Variants in GPR141 observed in about 807,000 individuals in gnomAD.
GPR141 encodes probable G protein-coupled receptor 141.
A neutral mutation model predicts 6.8 loss-of-function variants in GPR141; 6 were observed. That is an observed-to-expected ratio of 0.88 (90% CI 0.48 to 1.74). GPR141 has a LOEUF of 1.74. Among genes scored for constraint, GPR141 ranks in the 40% most tolerant of loss-of-function variants. The probability of loss-of-function intolerance (pLI) is 0.01; values close to 1 mark genes in which losing one functional copy is unlikely to be tolerated. For synonymous variants in GPR141, 140 were observed against 142.3 expected, an observed-to-expected ratio of 0.98 and a Z score of 0.11; for missense variants, 372 against 372.9, an observed-to-expected ratio of 1.00 and a Z score of 0.02.
intron 2 of GPR141, among the ~76,000 whole-genome samples, chr7:37,702,166 A>C (rs1810304686): frequency 6.6e-6 from 1 of 152,190 alleles, no homozygotes; most frequent in Non-Finnish European, 1.5e-5. Flanking sequence ...TAATTTTTAG[A>C]CATAAAGTCT....
chr7:37,721,405 G>C (rs556014758), intron 2 of GPR141, among the ~76,000 whole-genome samples: 69 of 152,324 alleles, frequency 4.5e-4, no homozygotes, highest in Non-Finnish European at 1.2e-4. Context: ...AGATGTGCCC[G>C]TTATTGGTGA....
chr7:37,708,320 A>AAAC (rs1554341165), intron 2 of GPR141, among the ~76,000 whole-genome samples: 8 of 151,014 alleles, frequency 5.3e-5, no homozygotes, highest in Non-Finnish European at 8.9e-5. Context: ...CAAAAAAAAA[A>AAAC]AAAAAAAAAA....
intron 1 of GPR141, among the ~76,000 whole-genome samples, chr7:37,684,445 A>AT (rs1809412595): frequency 6.6e-6 from 1 of 152,224 alleles, no homozygotes; most frequent in Non-Finnish European, 1.5e-5. Context: ...AATTCTTTCC[A>AT]TCCCACTTTT....
chr7:37,729,191 C>T (rs1244618130), intron 2 of GPR141, among the ~76,000 whole-genome samples: 3 of 152,052 alleles, frequency 2.0e-5, no homozygotes, highest in African/African-American at 7.2e-5. Context: ...TTTCTTTTCT[C>T]TAACAGTAAC....
At position 37,741,039 on chromosome 7, in the gene GPR141, C is replaced by G; in HGVS notation, c.646C>G (p.Leu216Val). The change falls in exon 3 of 3, where the codon CTA (leucine) becomes GTA (valine). Residue 216 changes from leucine to valine, a missense_variant. Transcript: ENST00000334425. ...GGTGCAGAAGCTACGCCACTCTTTACTATCCCACCAGGAGTTCTGGGCTCA... is the reference window on the plus strand; with the variant it reads ...GGTGCAGAAGCTACGCCACTCTTTAGTATCCCACCAGGAGTTCTGGGCTCA... ...LMVQKLRHSLLSHQEFWAQLK... is the reference protein window; with the variant it reads ...LMVQKLRHSLVSHQEFWAQLK... The G allele has an allele frequency of 6.2e-7, 1 of 1,614,158 alleles. No individual in the cohort carries two copies. Among genetic ancestry groups the G allele is most frequent in the Non-Finnish European group, 8.5e-7 (1 of 1,179,988 alleles).
intron 2 of GPR141, among the ~76,000 whole-genome samples, chr7:37,706,812 T>C (rs890561832): frequency 3.3e-5 from 5 of 152,198 alleles, no homozygotes; most frequent in Non-Finnish European, 5.9e-5. Context: ...GGACGCTTTT[T>C]CACATACATT....
intron 2 of GPR141, among the ~76,000 whole-genome samples, chr7:37,708,310 C>CAAAAAAAAAAAAAAAA (rs66783277): frequency 1.7e-5 from 1 of 59,776 alleles, no homozygotes; most frequent in Admixed American, 3.0e-4. Context: ...AAATTGCTGG[C>CAAAAAAAAAAAAAAAA]AAAAAAAAAA....
At chr7:37,696,341 T>C (rs1810013351) in intron 2 of GPR141, among the ~76,000 whole-genome samples, 1 of 152,194 alleles carries the variant, frequency 6.6e-6, no homozygotes, top group African/African-American at 2.4e-5. Flanking sequence ...ATTTTCAACT[T>C]ACGATGAGTT....
At chr7:37,702,759 TAAAAATAA>T (rs1284097543) in intron 2 of GPR141, among the ~76,000 whole-genome samples, 48 of 110,574 alleles carry the variant, frequency 4.3e-4, no homozygotes, top group African/African-American at 1.2e-3. Flanking sequence ...AATAAATAAA[TAAAAATAA>T]AAAAATAAAA....
At chr7:37,710,812 A>G (rs1002379462) in intron 2 of GPR141, among the ~76,000 whole-genome samples, 5 of 152,154 alleles carry the variant, frequency 3.3e-5, no homozygotes, top group Non-Finnish European at 5.9e-5. Context: ...TTTGATTGCT[A>G]TTTACTTATT....
chr7:37,715,059 A>G (rs1810981455), intron 2 of GPR141, among the ~76,000 whole-genome samples: 1 of 152,104 alleles, frequency 6.6e-6, no homozygotes, highest in East Asian at 1.9e-4. Flanking sequence ...TTTATTATTA[A>G]CAAGAATTGT....
At chr7:37,727,100 G>A (rs1811670330) in intron 2 of GPR141, among the ~76,000 whole-genome samples, 7 of 152,166 alleles carry the variant, frequency 4.6e-5, no homozygotes, top group Admixed American at 4.6e-4. Context: ...ACATCGAAGT[G>A]GATATGCTAA....
intron 2 of GPR141, among the ~76,000 whole-genome samples, chr7:37,721,848 G>A (rs1480893950): frequency 1.3e-5 from 2 of 152,062 alleles, no homozygotes; most frequent in South Asian, 2.1e-4. Flanking sequence ...GGGGGCAATG[G>A]GTTACTTGAA....
chr7:37,686,789 T>C (rs2131721321), intron 2 of GPR141, among the ~76,000 whole-genome samples: 1 of 152,258 alleles, frequency 6.6e-6, no homozygotes, highest in East Asian at 1.9e-4. Context: ...GCCAACTCAA[T>C]ATTGCAGTTC....
chr7:37,703,691 A>G (rs1810397630), intron 2 of GPR141, among the ~76,000 whole-genome samples: 1 of 152,290 alleles, frequency 6.6e-6, no homozygotes, highest in Non-Finnish European at 1.5e-5. Context: ...GGAGGGAGCA[A>G]TAGTATCTAC....
rs1237794928 is a variant in GPR141, at chr7:37,740,920, CATATGTGAAAATCATCAACT to C, written c.533_552del (p.Val178AspfsTer61). 1.9e-6 allele frequency: 3 copies of C among 1,614,088 alleles called. No homozygotes were observed. In the Admixed American group the frequency reaches 5.0e-5, roughly 27 times the overall value. On this transcript the variant is annotated frameshift_variant, in exon 3 of 3. Coordinates refer to ENST00000334425, the MANE Select transcript of GPR141 (RefSeq NM_001381946.1). LOFTEE classifies it low-confidence loss of function (END_TRUNC). ...AAATTTCACAAAGAGCTTGCTTACA[CATATGTGAAAATCATCAACT>C]ATATGATAGTCATTTTTGTCATAGC...
In GPR141 at chr7:37,689,824, A is replaced by G. The variant is rs571646374; in HGVS notation, c.-15+4241A>G. ...GGTTAGTTTAGATAATCATTTGTCA[A>G]TTTCATTTATATTTTCAAACAGTTA... On this transcript the variant is annotated intron_variant, in intron 2 of 2. Transcript: ENST00000334425. Among the ~76,000 whole-genome samples, 31 of 146,818 alleles carry G rather than the reference A, an allele frequency of 2.1e-4. No homozygotes were observed. In the South Asian group the frequency reaches 6.4e-3, roughly 30 times the overall value.
At chr7:37,733,857 G>A (rs940050112) in intron 2 of GPR141, among the ~76,000 whole-genome samples, 15 of 152,002 alleles carry the variant, frequency 9.9e-5, no homozygotes, top group African/African-American at 1.9e-4. Flanking sequence ...CACTTCATAC[G>A]TTGGATATTT....
At position 37,742,942 on chromosome 7, in the gene GPR141, T is replaced by C. The variant is rs1479984994; in HGVS notation, c.*1631T>C. On this transcript the variant is annotated 3_prime_UTR_variant, in exon 3 of 3. Coordinates refer to ENST00000334425, the MANE Select transcript of GPR141 (RefSeq NM_001381946.1). ...AAAATTGTATTAATAACTTGTGGCA[T>C]GTGGCACGTTAAACTGATTTTATTT... Among the ~76,000 whole-genome samples, 6 of 152,202 alleles carry C rather than the reference T, an allele frequency of 3.9e-5. No individual in the cohort carries two copies.
Sources: gnomAD v4.1 joint callset for allele counts (sites outside exome capture counted in the v4.1 genomes callset) on GRCh38, gnomAD v4.1.1 for gene constraint, MANE v1.5 for transcripts, NCBI Gene and HGNC (gene_info 2026-07-23, HGNC 2026-07-21) for gene names.